KCNMA1: variants seen among roughly 807,000 people sequenced by gnomAD.
KCNMA1 encodes Calcium-activated potassium channel subunit alpha-1.
In KCNMA1, 29 loss-of-function variants were observed where a neutral mutation model predicts 140.0. The observed-to-expected ratio is 0.21, with a 90% CI of 0.15 to 0.28. The LOEUF (loss-of-function observed/expected upper bound fraction) is 0.28, where lower values mean the gene tolerates loss of function less well. Ranked by LOEUF, KCNMA1 falls within the 10% of genes least tolerant of loss-of-function variation. The pLI, the probability that KCNMA1 is intolerant of heterozygous loss-of-function variation, is 1.00. For synonymous variants in KCNMA1, 612 were observed against 611.9 expected, an observed-to-expected ratio of 1.00 and a Z score of 0.00; for missense variants, 880 against 1,602.2, an observed-to-expected ratio of 0.55 and a Z score of 7.70.
chr10:77,481,866 A>G (rs998205540), intron 1 of KCNMA1, among the ~76,000 whole-genome samples: 2 of 151,952 alleles, frequency 1.3e-5, no homozygotes, highest in African/African-American at 2.4e-5. Context: ...GTGAGGTAGT[A>G]TTATCATTAT....
At chr10:76,890,366 G>A (rs2039423924) in intron 26 of KCNMA1, among the ~76,000 whole-genome samples, 1 of 152,192 alleles carries the variant, frequency 6.6e-6, no homozygotes. Flanking sequence ...GACTGTCTTT[G>A]TCCTTCCAAT....
intron 3 of KCNMA1, among the ~76,000 whole-genome samples, chr10:77,228,059 G>T (rs1243536187): frequency 6.6e-6 from 1 of 151,088 alleles, no homozygotes; most frequent in African/African-American, 2.4e-5. Context: ...CCACCTCCAG[G>T]GTTCAAGTGA....
intron 14 of KCNMA1, among the ~76,000 whole-genome samples, chr10:77,057,291 C>T (rs546205476): frequency 6.6e-6 from 1 of 152,072 alleles, no homozygotes; most frequent in Non-Finnish European, 1.5e-5. Context: ...AAATGTTGAA[C>T]CCTGAATTCT....
At chr10:77,429,622 T>A (rs920541449) in intron 1 of KCNMA1, among the ~76,000 whole-genome samples, 1 of 152,164 alleles carries the variant, frequency 6.6e-6, no homozygotes, top group African/African-American at 2.4e-5. Context: ...AAATTCCCCA[T>A]AGTAGTCTAT....
In KCNMA1 at chr10:77,610,549, G is replaced by C. The variant is rs1347572146; in HGVS notation, c.378+26716C>G. 3.3e-5 allele frequency among the ~76,000 whole-genome samples: 5 copies of C among 152,236 alleles called. No homozygotes were observed. The East Asian group carries it at 9.6e-4, about 29-fold the overall frequency. ...GTGCTGTCTCTTTTCTGCTGGGAAA[G>C]ATAGGAATGGAGATTCCTTGAGGTC... On this transcript the variant is annotated intron_variant, in intron 1 of 27. Transcript: ENST00000286628.
intron 3 of KCNMA1, among the ~76,000 whole-genome samples, chr10:77,228,185 G>C (rs1250164623): frequency 2.0e-5 from 3 of 151,892 alleles, no homozygotes; most frequent in Non-Finnish European, 4.4e-5. Flanking sequence ...GGCTGGTTTC[G>C]AACTCCTGAC....
chr10:77,341,023 TA>T (rs1279736008), intron 2 of KCNMA1, among the ~76,000 whole-genome samples: 2 of 152,194 alleles, frequency 1.3e-5, no homozygotes, highest in Non-Finnish European at 2.9e-5. Flanking sequence ...TGCCATGCTT[TA>T]GGTCCCAGGG....
intron 2 of KCNMA1, among the ~76,000 whole-genome samples, chr10:77,368,172 A>G (rs2094478215): frequency 6.6e-6 from 1 of 152,202 alleles, no homozygotes; most frequent in African/African-American, 2.4e-5. Flanking sequence ...AATGTCTGAG[A>G]GTTCCAGTTG....
At chr10:77,587,559 A>C (rs1351685226) in intron 1 of KCNMA1, among the ~76,000 whole-genome samples, 1 of 152,184 alleles carries the variant, frequency 6.6e-6, no homozygotes, top group Non-Finnish European at 1.5e-5. Flanking sequence ...AAACAAAGCT[A>C]GAGAGTGTGA....
chr10:77,607,434 G>A (rs1048674850), intron 1 of KCNMA1, among the ~76,000 whole-genome samples: 6 of 152,122 alleles, frequency 3.9e-5, no homozygotes, highest in Non-Finnish European at 8.8e-5. Flanking sequence ...CTGTGACTGC[G>A]ACCTTAACTG....
intron 1 of KCNMA1, chr10:77,636,898 C>G (rs2093804297): frequency 5.6e-6 from 8 of 1,420,898 alleles, no homozygotes; most frequent in African/African-American, 4.3e-5. Flanking sequence ...ACGCACCCAG[C>G]TGCCCCCAGC....
At chr10:77,232,405 T>C (rs1040701321) in intron 3 of KCNMA1, among the ~76,000 whole-genome samples, 3 of 152,206 alleles carry the variant, frequency 2.0e-5, no homozygotes, top group Non-Finnish European at 2.9e-5. Context: ...AATTTATCCA[T>C]ATCCTTGTCA....
chr10:77,599,670 G>T (rs934016499), intron 1 of KCNMA1, among the ~76,000 whole-genome samples: 13 of 152,156 alleles, frequency 8.5e-5, no homozygotes, highest in Non-Finnish European at 1.2e-4. Context: ...AGCACCTACT[G>T]GATCATATTG....
At chr10:77,294,973 G>A (rs909733132) in intron 2 of KCNMA1, among the ~76,000 whole-genome samples, 3 of 151,978 alleles carry the variant, frequency 2.0e-5, no homozygotes, top group Non-Finnish European at 4.4e-5. Flanking sequence ...ACATATATTT[G>A]GATACACCAA....
At chr10:77,339,662 T>C (rs961510421) in intron 2 of KCNMA1, among the ~76,000 whole-genome samples, 2 of 152,178 alleles carry the variant, frequency 1.3e-5, no homozygotes, top group South Asian at 2.1e-4. Context: ...GGCTGGTTTG[T>C]TGGAAGGTGG....
chr10:77,233,561 A>T (rs888443656), intron 3 of KCNMA1, among the ~76,000 whole-genome samples: 23 of 152,222 alleles, frequency 1.5e-4, no homozygotes, highest in African/African-American at 4.8e-4. Flanking sequence ...TTTATCGTGA[A>T]TGCAGAATGT....
chr10:77,603,673 A>G (rs1003696974), intron 1 of KCNMA1, among the ~76,000 whole-genome samples: 8 of 152,102 alleles, frequency 5.3e-5, no homozygotes, highest in African/African-American at 1.9e-4. Context: ...CCCATTACAC[A>G]GCAGAAAGCA....
intron 2 of KCNMA1, among the ~76,000 whole-genome samples, chr10:77,302,731 A>G (rs56120054): frequency 2.0e-5 from 3 of 152,182 alleles, no homozygotes; most frequent in Non-Finnish European, 2.9e-5. Context: ...ATGGGCTCAG[A>G]AAGGGGATGG....
chr10:77,094,324 G>T (rs949292485), intron 9 of KCNMA1, among the ~76,000 whole-genome samples: 4 of 152,092 alleles, frequency 2.6e-5, no homozygotes, highest in African/African-American at 4.8e-5. Context: ...TCCCACTTCA[G>T]TTCCCACTAA....
Sources: gnomAD v4.1 joint callset for allele counts (sites outside exome capture counted in the v4.1 genomes callset) on GRCh38, gnomAD v4.1.1 for gene constraint, MANE v1.5 for transcripts, NCBI Gene and HGNC (gene_info 2026-07-23, HGNC 2026-07-21) for gene names.